The following FER1L6 variants were observed in gnomAD, a reference collection of about 807,000 sequenced individuals.
FER1L6 encodes fer-1-like protein 6.
FER1L6 carries 177 observed loss-of-function variants against 219.2 expected under a neutral mutation model. The ratio of observed to expected loss-of-function variants is 0.81; its 90% CI spans 0.71 to 0.91. The LOEUF (loss-of-function observed/expected upper bound fraction) is 0.91, where lower values mean the gene tolerates loss of function less well. Ranked by LOEUF, FER1L6 falls within the 40% of genes least tolerant of loss-of-function variation. FER1L6 has a pLI of 0.00. For synonymous variants in FER1L6, 768 were observed against 824.3 expected (o/e 0.93, Z 1.17); for missense variants, 2,153 against 2,259.9 (o/e 0.95, Z 0.96).
intron 3 of FER1L6, 112 bp downstream of exon 3, chr8:123,963,510 CAGGCA>C (rs1348001407): frequency 7.9e-7 from 1 of 1,269,128 alleles, no homozygotes; most frequent in Non-Finnish European, 1.1e-6. Context: ...TCACTGTCTA[CAGGCA>C]GGCAAGGTCT....
chr8:123,969,513 C>T (rs6982889), intron 5 of FER1L6, among the ~76,000 whole-genome samples: 48,241 of 151,822 alleles, frequency 0.32, 8,386 homozygotes, highest in Non-Finnish European at 0.4. Context: ...TATAAAATTC[C>T]CATTTGGGGA....
intron 1 of FER1L6, among the ~76,000 whole-genome samples, chr8:123,929,038 A>G (rs1033085919): frequency 2.6e-5 from 4 of 152,180 alleles, no homozygotes; most frequent in Admixed American, 6.5e-5. Flanking sequence ...TGGCCTTGGG[A>G]ATGAGGTCTC....
chr8:123,946,338 G>A (rs1227604924), intron 1 of FER1L6, among the ~76,000 whole-genome samples: 1 of 152,092 alleles, frequency 6.6e-6, no homozygotes, highest in Non-Finnish European at 1.5e-5. Flanking sequence ...TGCAACCTCG[G>A]CCTCCTGGGT....
chr8:124,083,343 G>A (rs972317731), intron 33 of FER1L6, among the ~76,000 whole-genome samples: 2 of 152,064 alleles, frequency 1.3e-5, no homozygotes, highest in Non-Finnish European at 2.9e-5. Context: ...TTGTCTTTCT[G>A]TGCCTGGTTT....
chr8:123,976,615 G>A (rs1252030187), intron 9 of FER1L6, among the ~76,000 whole-genome samples: 1 of 152,108 alleles, frequency 6.6e-6, no homozygotes, highest in African/African-American at 2.4e-5. Flanking sequence ...CGTGGATTGT[G>A]GTTTAGGATA....
intron 1 of FER1L6, among the ~76,000 whole-genome samples, chr8:123,918,740 TC>T (rs961957896): frequency 6.6e-6 from 1 of 152,118 alleles, no homozygotes; most frequent in Non-Finnish European, 1.5e-5. Flanking sequence ...GGAATCAGTT[TC>T]AGCAGTGATT....
At chr8:123,945,185 A>G (rs1332131236) in intron 1 of FER1L6, among the ~76,000 whole-genome samples, 1 of 152,176 alleles carries the variant, frequency 6.6e-6, no homozygotes, top group Admixed American at 6.5e-5. Context: ...AGAGGACTAG[A>G]CTGGGAAGCC....
intron 22 of FER1L6, among the ~76,000 whole-genome samples, chr8:124,054,211 C>T (rs1221354098): frequency 6.6e-6 from 1 of 152,168 alleles, no homozygotes; most frequent in Non-Finnish European, 1.5e-5. Flanking sequence ...CCTTCCAGAA[C>T]ACTAGTTGGT....
At chr8:124,112,142 A>G (rs533646542) in intron 39 of FER1L6, among the ~76,000 whole-genome samples, 72 of 152,306 alleles carry the variant, frequency 4.7e-4, no homozygotes, top group African/African-American at 1.7e-3. Flanking sequence ...ATGCATGTCC[A>G]GCCTAGACAT....
chr8:124,086,996 G>A (rs1223672722), intron 33 of FER1L6, among the ~76,000 whole-genome samples: 4 of 151,774 alleles, frequency 2.6e-5, no homozygotes, highest in African/African-American at 4.8e-5. Context: ...CTTTTCTCTC[G>A]CTGCTTTTGG....
At chr8:124,038,552 C>T (rs1315883165) in intron 19 of FER1L6, among the ~76,000 whole-genome samples, 1 of 152,166 alleles carries the variant, frequency 6.6e-6, no homozygotes, top group Non-Finnish European at 1.5e-5. Context: ...GCAATAGTAA[C>T]AACACTCCAG....
intron 12 of FER1L6, among the ~76,000 whole-genome samples, chr8:123,994,077 G>A (rs1043049734): frequency 1.3e-5 from 2 of 152,218 alleles, no homozygotes; most frequent in African/African-American, 2.4e-5. Context: ...TGAAGGTGCT[G>A]TAATAGACTG....
intron 1 of FER1L6, among the ~76,000 whole-genome samples, chr8:123,954,779 A>G (rs752234914): frequency 8.5e-5 from 13 of 152,236 alleles, no homozygotes; most frequent in Non-Finnish European, 1.8e-4. Context: ...AGTCCTAAAC[A>G]TATAAGCAAA....
At chr8:124,083,194 AT>A (rs1298726419) in intron 33 of FER1L6, among the ~76,000 whole-genome samples, 1 of 152,162 alleles carries the variant, frequency 6.6e-6, no homozygotes, top group African/African-American at 2.4e-5. Context: ...AAAATAGACA[AT>A]AAATTATTGA....
At chr8:123,913,780 C>CA (rs1403672167) in intron 1 of FER1L6, among the ~76,000 whole-genome samples, 1 of 150,384 alleles carries the variant, frequency 6.6e-6, no homozygotes, top group Non-Finnish European at 1.5e-5. Flanking sequence ...TTGTGATTAA[C>CA]AAAATGCAAT....
chr8:124,061,745 G>A (rs922388090), intron 24 of FER1L6, 107 bp from the exon 25 acceptor site: 2 of 1,101,108 alleles, frequency 1.8e-6, no homozygotes, highest in Non-Finnish European at 2.7e-6. Flanking sequence ...GGCCAGGAGG[G>A]ACAGAATGGC....
At chr8:124,090,644 G>A (rs1821990315) in intron 33 of FER1L6, among the ~76,000 whole-genome samples, 1 of 152,160 alleles carries the variant, frequency 6.6e-6, no homozygotes, top group African/African-American at 2.4e-5. Flanking sequence ...TGAACTCAGT[G>A]TCCCAATGAG....
intron 33 of FER1L6, among the ~76,000 whole-genome samples, chr8:124,083,004 T>A (rs199998494): frequency 3.6e-4 from 13 of 36,302 alleles, no homozygotes; most frequent in South Asian, 1.3e-3. Context: ...TGTGTATATA[T>A]TATATACACA....
chr8:124,119,152 G>A (rs187079288), intron 40 of FER1L6, among the ~76,000 whole-genome samples: 93 of 152,256 alleles, frequency 6.1e-4, no homozygotes, highest in African/African-American at 2.1e-3. Context: ...CCTTCCAGGA[G>A]CTTTCGATCT....
Sources: gnomAD v4.1 joint callset for allele counts (sites outside exome capture counted in the v4.1 genomes callset) on GRCh38, gnomAD v4.1.1 for gene constraint, MANE v1.5 for transcripts, NCBI Gene and HGNC (gene_info 2026-07-23, HGNC 2026-07-21) for gene names.